PDE1A: variants seen among roughly 807,000 people sequenced by gnomAD.
The protein encoded by PDE1A is dual specificity calcium/calmodulin-dependent 3',5'-cyclic nucleotide phosphodiesterase 1A.
A neutral mutation model predicts 61.7 loss-of-function variants in PDE1A; 35 were observed. That is an observed-to-expected ratio of 0.57 (90% CI 0.43 to 0.75). The LOEUF (loss-of-function observed/expected upper bound fraction) is 0.75, where lower values mean the gene tolerates loss of function less well. Among genes scored for constraint, PDE1A ranks in the 30% least tolerant of loss-of-function variants. The pLI is 0.00. For synonymous variants in PDE1A, 232 were observed against 213.2 expected (o/e 1.09, Z -0.77); for missense variants, 597 against 630.6 (o/e 0.95, Z 0.57).
chr2:182,559,016 A>G, the PDE1A span, among the ~76,000 whole-genome samples: 1 of 152,238 alleles, frequency 6.6e-6, no homozygotes, highest in Non-Finnish European at 1.5e-5. Flanking sequence ...GGAAAACAAA[A>G]TAGTGATTTT....
intron 1 of PDE1A, among the ~76,000 whole-genome samples, chr2:182,313,764 T>C (rs113807358): frequency 5.6e-5 from 1 of 17,954 alleles, no homozygotes; most frequent in African/African-American, 9.9e-5. Flanking sequence ...GGATGAAACA[T>C]TAGTAGGTTT....
chr2:182,595,087 C>T, the PDE1A span, among the ~76,000 whole-genome samples: 8 of 151,822 alleles, frequency 5.3e-5, no homozygotes, highest in Admixed American at 1.3e-4. Flanking sequence ...AAGAAATGGA[C>T]GATAAAGACA....
rs193182730 is a variant in PDE1A at position 182,382,206 on chromosome 2, C to G, written c.53+44372G>C. ...AAAATTAGTAGATTATCCAAGTGTTCAAATCTAATCACATGAGTCCTTTAA... is the reference window on the plus strand; with the variant it reads ...AAAATTAGTAGATTATCCAAGTGTTGAAATCTAATCACATGAGTCCTTTAA... On this transcript the variant is annotated intron_variant, in intron 1 of 13. Coordinates refer to ENST00000351439, the Ensembl canonical transcript of PDE1A. 2.6e-5 allele frequency among the ~76,000 whole-genome samples: 4 copies of G among 152,248 alleles called. No individual in the cohort carries two copies. In the East Asian group the frequency reaches 7.7e-4, roughly 29 times the overall value.
intron 1 of PDE1A, among the ~76,000 whole-genome samples, chr2:182,389,915 A>G (rs1277175321): frequency 2.0e-5 from 3 of 152,222 alleles, no homozygotes; most frequent in South Asian, 2.1e-4. Context: ...TCGGACTCCA[A>G]GTTCTTCAGC....
the PDE1A span, among the ~76,000 whole-genome samples, chr2:182,530,877 T>C: frequency 7.3e-6 from 1 of 136,364 alleles, no homozygotes; most frequent in Non-Finnish European, 1.6e-5. Context: ...TATCATAGCC[T>C]TTCTTCATCC....
chr2:182,308,796 C>T (rs1695771502), intron 1 of PDE1A, among the ~76,000 whole-genome samples: 1 of 152,004 alleles, frequency 6.6e-6, no homozygotes, highest in Non-Finnish European at 1.5e-5. Flanking sequence ...AATATATATG[C>T]TTCTTTCCTT....
rs545224218 is a variant in PDE1A at position 182,380,431 on chromosome 2, C to G, written c.53+46147G>C. ...CCAGCCCCAGCTCCTCTTTAACTTT[C>G]CTAGCTTTCTGTCTCTCCTGCCCGG... On this transcript the variant is annotated intron_variant, in intron 1 of 13. Coordinates refer to ENST00000351439, the Ensembl canonical transcript of PDE1A. Among the ~76,000 whole-genome samples, 13 of 152,238 alleles carry G rather than the reference C, an allele frequency of 8.5e-5. No homozygotes were observed. The East Asian group carries it at 2.3e-3, about 27-fold the overall frequency.
intron 1 of PDE1A, among the ~76,000 whole-genome samples, chr2:182,383,394 T>C (rs1484524918): frequency 2.0e-5 from 3 of 152,172 alleles, no homozygotes; most frequent in East Asian, 3.8e-4. Context: ...TCTATGTAGA[T>C]TGTAGTTTAA....
chr2:182,336,977 A>AAAAAAT (rs1697873817), intron 1 of PDE1A, among the ~76,000 whole-genome samples: 1 of 20,170 alleles, frequency 5.0e-5, no homozygotes, highest in Non-Finnish European at 2.0e-4. Flanking sequence ...TTTTTTTTTT[A>AAAAAAT]AATAAAGAAT....
At chr2:182,384,147 A>G (rs1559401656) in intron 1 of PDE1A, among the ~76,000 whole-genome samples, 1 of 152,212 alleles carries the variant, frequency 6.6e-6, no homozygotes, top group African/African-American at 2.4e-5. Context: ...GGCCCATCCC[A>G]GTGCCATGCC....
At chr2:182,364,943 G>T (rs1235471982) in intron 1 of PDE1A, among the ~76,000 whole-genome samples, 1 of 151,978 alleles carries the variant, frequency 6.6e-6, no homozygotes, top group African/African-American at 2.4e-5. Context: ...TACATCTGCT[G>T]CTCTAACCCT....
chr2:182,528,335 T>C, the PDE1A span, among the ~76,000 whole-genome samples: 1 of 152,142 alleles, frequency 6.6e-6, no homozygotes, highest in Non-Finnish European at 1.5e-5. Flanking sequence ...TGGTGGCACT[T>C]TGCCCCTGCC....
chr2:182,200,381 C>T (rs562222784), intron 10 of PDE1A, among the ~76,000 whole-genome samples: 2 of 152,286 alleles, frequency 1.3e-5, no homozygotes, highest in South Asian at 4.1e-4. Flanking sequence ...AGGCTGGAGA[C>T]TGAGTTCAAT....
intron 10 of PDE1A, among the ~76,000 whole-genome samples, chr2:182,190,037 C>T (rs1454196285): frequency 6.6e-6 from 1 of 152,236 alleles, no homozygotes; most frequent in Non-Finnish European, 1.5e-5. Context: ...TCCTTTCACT[C>T]TGTTTCCATT....
chr2:182,375,675 A>G (rs1663690675), intron 1 of PDE1A, among the ~76,000 whole-genome samples: 2 of 152,156 alleles, frequency 1.3e-5, no homozygotes, highest in African/African-American at 4.8e-5. Flanking sequence ...TAGCTCCACT[A>G]TGTGGTACCC....
chr2:182,173,250 T>G (rs1282756743), intron 13 of PDE1A, among the ~76,000 whole-genome samples: 1 of 152,006 alleles, frequency 6.6e-6, no homozygotes, highest in African/African-American at 2.4e-5. Context: ...AAAAATCAAG[T>G]AGTCCAGATG....
chr2:182,505,910 C>G (rs2125930418), intron 2 of PDE1A, among the ~76,000 whole-genome samples: 1 of 152,212 alleles, frequency 6.6e-6, no homozygotes, highest in Admixed American at 6.5e-5. Flanking sequence ...TTGGAAAACT[C>G]AAGATATTGA....
At chr2:182,358,448 C>T (rs1296952890) in intron 1 of PDE1A, among the ~76,000 whole-genome samples, 1 of 152,116 alleles carries the variant, frequency 6.6e-6, no homozygotes, top group Non-Finnish European at 1.5e-5. Flanking sequence ...AATCTTGCCT[C>T]CTTTGTGCTG....
At chr2:182,406,822 T>C (rs1702323099) in intron 1 of PDE1A, among the ~76,000 whole-genome samples, 1 of 152,210 alleles carries the variant, frequency 6.6e-6, no homozygotes. Context: ...AATGCATTGA[T>C]TTTTAAAATT....
Sources: allele counts gnomAD v4.1 joint callset (sites outside exome capture counted in the v4.1 genomes callset), GRCh38; gene constraint gnomAD v4.1.1; transcripts MANE v1.5; gene names NCBI Gene and HGNC (gene_info 2026-07-23, HGNC 2026-07-21).